Variants in DNAJC11 observed in about 807,000 individuals in gnomAD.
DNAJC11 encodes dnaJ homolog subfamily C member 11.
A neutral mutation model predicts 78.6 loss-of-function variants in DNAJC11; 15 were observed. The observed-to-expected ratio is 0.19, with a 90% CI of 0.13 to 0.29. The LOEUF (loss-of-function observed/expected upper bound fraction) is 0.29, where lower values mean the gene tolerates loss of function less well. Among genes scored for constraint, DNAJC11 ranks in the 10% least tolerant of loss-of-function variants. The probability of loss-of-function intolerance (pLI) is 1.00; values close to 1 mark genes in which losing one functional copy is unlikely to be tolerated. For missense variants in DNAJC11, 547 were observed against 709.6 expected, an observed-to-expected ratio of 0.77 and a Z score of 2.60; for synonymous variants, 292 against 272.1, an observed-to-expected ratio of 1.07 and a Z score of -0.72.
At chr1:6,668,806 AGT>A (rs2148741722) in intron 3 of DNAJC11, among the ~76,000 whole-genome samples, 1 of 152,294 alleles carries the variant, frequency 6.6e-6, no homozygotes, top group Non-Finnish European at 1.5e-5. Context: ...GTGGGCTGTC[AGT>A]TATAGGCTGG....
intron 1 of DNAJC11, among the ~76,000 whole-genome samples, chr1:6,683,416 A>C (rs1177367757): frequency 6.6e-6 from 1 of 152,236 alleles, no homozygotes; most frequent in African/African-American, 2.4e-5. Context: ...GTGAGAATGA[A>C]ACCAGACAGA....
At chr1:6,638,720 T>A (rs1425695020) in intron 11 of DNAJC11, among the ~76,000 whole-genome samples, 1 of 152,112 alleles carries the variant, frequency 6.6e-6, no homozygotes, top group East Asian at 1.9e-4. Context: ...GAGATGGGGG[T>A]CTCACTATAT....
chr1:6,652,488 C>T (rs192874577), intron 6 of DNAJC11, among the ~76,000 whole-genome samples: 26 of 152,204 alleles, frequency 1.7e-4, no homozygotes, highest in African/African-American at 5.1e-4. Flanking sequence ...TGGAGTGCAA[C>T]GGCGCGATCT....
intron 4 of DNAJC11, among the ~76,000 whole-genome samples, chr1:6,665,618 T>G (rs1436792355): frequency 6.6e-6 from 1 of 152,216 alleles, no homozygotes; most frequent in African/African-American, 2.4e-5. Flanking sequence ...TGCATGCCTG[T>G]GTGAGATGGT....
intron 1 of DNAJC11, among the ~76,000 whole-genome samples, chr1:6,700,401 C>T (rs1488905003): frequency 6.6e-6 from 1 of 152,124 alleles, no homozygotes; most frequent in Non-Finnish European, 1.5e-5. Flanking sequence ...TTCACACGGA[C>T]GCGCGTGACA....
intron 4 of DNAJC11, among the ~76,000 whole-genome samples, chr1:6,657,865 TC>T (rs1642154313): frequency 6.6e-6 from 1 of 152,250 alleles, no homozygotes; most frequent in South Asian, 2.1e-4. Context: ...CAGGATGGTC[TC>T]GATCTCCTGA....
chr1:6,675,182 T>G (rs1019426924), intron 3 of DNAJC11, among the ~76,000 whole-genome samples: 1 of 152,182 alleles, frequency 6.6e-6, no homozygotes, highest in Non-Finnish European at 1.5e-5. Context: ...ATTTTCCTAT[T>G]GGATGTTAAG....
chr1:6,635,028 T>C lies in DNAJC11; in HGVS notation c.*647A>G, dbSNP rs1641734716. The C allele has an allele frequency of 1.1e-5, 4 of 354,184 alleles. No individual in the cohort carries two copies. The highest frequency in any genetic ancestry group is 1.9e-5 in the Non-Finnish European group (4 of 213,514). The allele number at this position is 354,184 out of a possible 1,614,324, so 21.9% of individuals were successfully genotyped here. On this transcript the variant is annotated 3_prime_UTR_variant, in exon 16 of 16. Coordinates refer to ENST00000377577, the MANE Select transcript of DNAJC11 (RefSeq NM_018198.4). Reference sequence around the variant, plus strand: ...TAGGCCCTGGGATCGGGAGTTACACTACCCTGTCCCAAGCCGAGGGGGCCG... The same window carrying C: ...TAGGCCCTGGGATCGGGAGTTACACCACCCTGTCCCAAGCCGAGGGGGCCG...
Position 6,637,452 on chromosome 1 carries a change from C to G in DNAJC11, c.1376G>C (p.Arg459Thr). Residue 459 changes from arginine to threonine, a missense_variant, in exon 13 of 16, where the codon AGA (arginine) becomes ACA (threonine). By Grantham distance (71) the Arg-to-Thr change is moderately conservative. Coordinates refer to ENST00000377577, the MANE Select transcript of DNAJC11 (RefSeq NM_018198.4). ...VRRIIEAEES[R>T]MGLIIVNAWY... The stretch of plus-strand genomic sequence containing the variant: ...GAGAGGACACATGTTCTCACCCATT[C>G]TGGACTCTTCTGCCTCAATTATCCT... 4 of 1,614,258 alleles carry G rather than the reference C, an allele frequency of 2.5e-6. No individual in the cohort carries two copies. The highest frequency in any genetic ancestry group is 3.4e-6 in the Non-Finnish European group (4 of 1,180,046).
At chr1:6,679,168 G>C (rs919878328) in intron 2 of DNAJC11, among the ~76,000 whole-genome samples, 1 of 152,050 alleles carries the variant, frequency 6.6e-6, no homozygotes, top group Non-Finnish European at 1.5e-5. Context: ...TGAAAGAGTG[G>C]GTTCCAGTTT....
intron 3 of DNAJC11, among the ~76,000 whole-genome samples, chr1:6,674,513 A>G (rs1259674378): frequency 6.6e-6 from 1 of 152,120 alleles, no homozygotes; most frequent in Non-Finnish European, 1.5e-5. Context: ...GTGAGCCAAG[A>G]TCACGCCACT....
intron 3 of DNAJC11, among the ~76,000 whole-genome samples, chr1:6,677,171 A>C (rs1425968498): frequency 1.2e-4 from 18 of 151,384 alleles, no homozygotes; most frequent in Non-Finnish European, 1.6e-4. Flanking sequence ...AAAAAAAAAA[A>C]AAACAAAAAA....
At chr1:6,673,484 T>C (rs577982493) in intron 3 of DNAJC11, among the ~76,000 whole-genome samples, 8 of 152,316 alleles carry the variant, frequency 5.3e-5, no homozygotes, top group East Asian at 1.9e-4. Context: ...ATTTGAAAAG[T>C]GTCATCTGGT....
chr1:6,642,649 G>T (rs1641895208), intron 10 of DNAJC11, among the ~76,000 whole-genome samples: 2 of 152,014 alleles, frequency 1.3e-5, no homozygotes, highest in African/African-American at 4.8e-5. Context: ...AAACCAACCT[G>T]GGCAACCAAG....
chr1:6,670,787 T>TCC (rs1557480810), intron 3 of DNAJC11: 28 of 152,170 alleles, frequency 1.8e-4, no homozygotes, highest in African/African-American at 6.8e-4. Context: ...CTTAAAATCA[T>TCC]CGAGGGTGCG....
rs1172911910 is a variant in DNAJC11, at chr1:6,671,523, A to G, written c.277-3713T>C. On this transcript the variant is annotated intron_variant, in intron 3 of 15. Coordinates refer to ENST00000377577, the MANE Select transcript of DNAJC11 (RefSeq NM_018198.4). ...AGTGCTGGAATTAGAGGCGTGAGCC[A>G]CTGCGCCTGGCCATTTTTTTTTTTT... Among the ~76,000 whole-genome samples, 39 of 146,810 alleles carry G rather than the reference A, an allele frequency of 2.7e-4. 1 individual carries two copies. The highest frequency in any genetic ancestry group is 9.9e-4 in the African/African-American group (39 of 39,466).
intron 4 of DNAJC11, among the ~76,000 whole-genome samples, chr1:6,667,029 G>A (rs139500789): frequency 5.3e-5 from 8 of 152,314 alleles, no homozygotes; most frequent in South Asian, 2.1e-4. Context: ...TGGGGCACAC[G>A]TGCAGAACAA....
chr1:6,698,413 C>T (rs1642873114), intron 1 of DNAJC11, among the ~76,000 whole-genome samples: 1 of 152,050 alleles, frequency 6.6e-6, no homozygotes, highest in Admixed American at 6.6e-5. Flanking sequence ...CAAAAAATTC[C>T]AGCAAATATC....
chr1:6,664,646 C>T (rs1035674934), intron 4 of DNAJC11, among the ~76,000 whole-genome samples: 4 of 152,174 alleles, frequency 2.6e-5, no homozygotes, highest in African/African-American at 4.8e-5. Flanking sequence ...TAGTTCTGAA[C>T]GTCATTTTGG....
Sources: allele counts gnomAD v4.1 joint callset (sites outside exome capture counted in the v4.1 genomes callset), GRCh38; gene constraint gnomAD v4.1.1; transcripts MANE v1.5; gene names NCBI Gene and HGNC (gene_info 2026-07-23, HGNC 2026-07-21).